Variants in GKAP1 observed in about 807,000 individuals in gnomAD.
The protein encoded by GKAP1 is G kinase-anchoring protein 1.
GKAP1 carries 31 observed loss-of-function variants against 56.7 expected under a neutral mutation model. That is an observed-to-expected ratio of 0.55 (90% confidence interval 0.41 to 0.74). The LOEUF is 0.74. Ranked by LOEUF, GKAP1 falls within the 30% of genes least tolerant of loss-of-function variation. The pLI is 0.00. For synonymous variants in GKAP1, 151 were observed against 138.6 expected (o/e 1.09, Z -0.63); for missense variants, 364 against 402.3 (o/e 0.90, Z 0.82).
intron 2 of GKAP1, among the ~76,000 whole-genome samples, chr9:83,810,493 A>G (rs295287): frequency 0.46 from 69,446 of 152,106 alleles, 16,645 homozygotes; most frequent in African/African-American, 0.6. Context: ...ATACTATAAC[A>G]AAAACGTTTT....
At chr9:83,793,033 T>C (rs1034227047) in intron 4 of GKAP1, 1 of 1,268,188 alleles carries the variant, frequency 7.9e-7, no homozygotes, top group Non-Finnish European at 1.0e-6. Context: ...AGTAAAACAT[T>C]TTTTCTTCTA....
At position 83,816,363 on chromosome 9, in the gene GKAP1, C is replaced by T. The variant is rs529238202; in HGVS notation, c.-44+633G>A. On this transcript the variant is annotated intron_variant, in intron 2 of 12. Transcript: ENST00000376371. The stretch of plus-strand genomic sequence containing the variant: ...TCCAATCTGCAGCTCCCACTTTCTG[C>T]AGGCCAAGAAAGTTAAACAAAAAAT... 1.8e-4 allele frequency among the ~76,000 whole-genome samples: 27 copies of T among 152,280 alleles called. No individual in the cohort carries two copies. In the South Asian group the frequency reaches 5.2e-3, roughly 29 times the overall value.
intron 8 of GKAP1, among the ~76,000 whole-genome samples, chr9:83,754,986 T>C (rs1470628222): frequency 2.0e-5 from 3 of 152,138 alleles, no homozygotes; most frequent in Non-Finnish European, 4.4e-5. Context: ...GAGAAGTATA[T>C]TTGAGAAATA....
intron 10 of GKAP1, among the ~76,000 whole-genome samples, chr9:83,748,013 A>G (rs1399188945): frequency 6.6e-6 from 1 of 152,144 alleles, no homozygotes; most frequent in Admixed American, 6.5e-5. Context: ...TTGGCACATA[A>G]TAATCATATA....
rs769676596 is a variant in GKAP1, at chr9:83,739,536, T to C, written c.*161A>G. 6.7e-6 allele frequency: 3 copies of C among 448,920 alleles called. No homozygotes were observed. Among genetic ancestry groups the C allele is most frequent in the Non-Finnish European group, 1.2e-5 (3 of 255,254 alleles). The allele number at this position is 448,920 out of a possible 1,614,324, so 27.8% of individuals were successfully genotyped here. On this transcript the variant is annotated 3_prime_UTR_variant, in exon 13 of 13. Coordinates refer to ENST00000376371, the MANE Select transcript of GKAP1 (RefSeq NM_025211.4). The stretch of plus-strand genomic sequence containing the variant: ...ATTCTCTATTTCTTCTTTTTCACTT[T>C]AAGCCAAAAGAAATAAAATTATAGA...
chr9:83,785,197 T>C (rs1287038024), intron 5 of GKAP1, among the ~76,000 whole-genome samples: 3 of 152,204 alleles, frequency 2.0e-5, no homozygotes. Context: ...CAATCTCCTC[T>C]TTATTGCCAT....
chr9:83,755,950 G>A (rs1218812686), intron 8 of GKAP1, among the ~76,000 whole-genome samples: 2 of 151,676 alleles, frequency 1.3e-5, no homozygotes, highest in Admixed American at 6.6e-5. Flanking sequence ...GATTACAGGC[G>A]CCTGCCACCA....
chr9:83,808,572 A>G (rs1211888984), intron 2 of GKAP1, among the ~76,000 whole-genome samples: 1 of 152,158 alleles, frequency 6.6e-6, no homozygotes, highest in Non-Finnish European at 1.5e-5. Flanking sequence ...CTCCAGCCTG[A>G]GCAACGGAGT....
At chr9:83,799,360 A>G in intron 3 of GKAP1, 32 bp from the exon 4 acceptor site, 1 of 1,475,756 alleles carries the variant, frequency 6.8e-7, no homozygotes, top group Non-Finnish European at 9.2e-7. Flanking sequence ...TATTAAATTC[A>G]GTTTACCAAT....
At chr9:83,777,191 T>C (rs1424908217) in intron 7 of GKAP1, among the ~76,000 whole-genome samples, 2 of 152,202 alleles carry the variant, frequency 1.3e-5, no homozygotes, top group Admixed American at 6.6e-5. Context: ...CCTCCAATGA[T>C]AGTGCATTCA....
chr9:83,771,880 ATAAT>A (rs1943768541), intron 7 of GKAP1, among the ~76,000 whole-genome samples: 1 of 152,184 alleles, frequency 6.6e-6, no homozygotes, highest in Non-Finnish European at 1.5e-5. Context: ...AATTATAATT[ATAAT>A]TCTAGCCAAT....
intron 4 of GKAP1, chr9:83,792,886 G>T: frequency 2.5e-6 from 1 of 394,844 alleles, no homozygotes; most frequent in Non-Finnish European, 3.6e-6. Flanking sequence ...GGGAGTAGGA[G>T]GAAAGGAAGA....
At chr9:83,744,358 G>A (rs901640895) in intron 10 of GKAP1, among the ~76,000 whole-genome samples, 3 of 152,122 alleles carry the variant, frequency 2.0e-5, no homozygotes, top group Admixed American at 2.0e-4. Flanking sequence ...ACACCCACAT[G>A]TACTCCTTGA....
chr9:83,754,327 C>G (rs900213976), intron 8 of GKAP1, among the ~76,000 whole-genome samples: 1 of 152,110 alleles, frequency 6.6e-6, no homozygotes, highest in Non-Finnish European at 1.5e-5. Flanking sequence ...AAAATCACCC[C>G]AAAGTCATAC....
At chr9:83,741,469 A>G (rs1471781782) in intron 12 of GKAP1, among the ~76,000 whole-genome samples, 1 of 152,130 alleles carries the variant, frequency 6.6e-6, no homozygotes, top group African/African-American at 2.4e-5. Flanking sequence ...AAGAAATGAT[A>G]GAGTTAGAAA....
At position 83,768,890 on chromosome 9, in the gene GKAP1, A is replaced by T. The variant is rs1431445683; in HGVS notation, c.666T>A (p.Ile222=). 5 of 1,611,626 alleles carry T rather than the reference A, an allele frequency of 3.1e-6. No homozygotes were observed. Among genetic ancestry groups the T allele is most frequent in the Non-Finnish European group, 3.4e-6 (4 of 1,178,700 alleles). Residue 222 remains isoleucine, a synonymous_variant, in exon 8 of 13, where the codon ATT becomes ATA. Transcript: ENST00000376371. The part of the protein sequence containing the change: ...RLEDDVHKIL[I]REKRREQLTE... ...TAAGCTGTTCTCTTCGTTTTTCTCT[A>T]ATAAGAATTTTATGAACATCATCTT...
At chr9:83,790,680 G>A (rs771473530) in intron 4 of GKAP1, among the ~76,000 whole-genome samples, 4 of 152,050 alleles carry the variant, frequency 2.6e-5, no homozygotes, top group Non-Finnish European at 4.4e-5. Flanking sequence ...TGGCATGGTG[G>A]TGCATGCCTG....
chr9:83,816,779 G>C (rs1349324380), intron 2 of GKAP1, among the ~76,000 whole-genome samples: 3 of 152,148 alleles, frequency 2.0e-5, no homozygotes, highest in Admixed American at 1.3e-4. Context: ...TCTGGCGAAG[G>C]TAAAGAGTGA....
intron 6 of GKAP1, among the ~76,000 whole-genome samples, chr9:83,784,129 T>C (rs764590371): frequency 6.6e-6 from 1 of 151,778 alleles, no homozygotes. Flanking sequence ...TAGTTGGGCA[T>C]GGTGGCATAG....
Sources: allele counts gnomAD v4.1 joint callset (sites outside exome capture counted in the v4.1 genomes callset), GRCh38; gene constraint gnomAD v4.1.1; transcripts MANE v1.5; gene names NCBI Gene and HGNC (gene_info 2026-07-23, HGNC 2026-07-21).